COL26A1: variants seen among roughly 807,000 people sequenced by gnomAD.
COL26A1 encodes collagen type XXVI alpha 1 chain.
A neutral mutation model predicts 59.3 loss-of-function variants in COL26A1; 41 were observed. That is an observed-to-expected ratio of 0.69 (90% CI 0.54 to 0.90). The LOEUF (loss-of-function observed/expected upper bound fraction) is 0.90. Among genes scored for constraint, COL26A1 ranks in the 40% least tolerant of loss-of-function variants. The pLI is 0.00. For synonymous variants in COL26A1, 266 were observed against 256.0 expected, an observed-to-expected ratio of 1.04 and a Z score of -0.37; for missense variants, 612 against 602.3, an observed-to-expected ratio of 1.02 and a Z score of -0.17.
intron 3 of COL26A1, among the ~76,000 whole-genome samples, chr7:101,467,337 G>A (rs988228490): frequency 7.0e-6 from 1 of 143,366 alleles, no homozygotes; most frequent in Non-Finnish European, 1.6e-5. Flanking sequence ...TGGGTCTTCT[G>A]GTTTCATGGC....
At chr7:101,428,405 G>A (rs1792698826) in intron 2 of COL26A1, among the ~76,000 whole-genome samples, 1 of 151,470 alleles carries the variant, frequency 6.6e-6, no homozygotes, top group African/African-American at 2.4e-5. Flanking sequence ...TTGAGAATGG[G>A]CATTGCAACG....
intron 3 of COL26A1, among the ~76,000 whole-genome samples, chr7:101,530,356 G>A (rs528323329): frequency 6.6e-6 from 1 of 151,790 alleles, no homozygotes; most frequent in Non-Finnish European, 1.5e-5. Flanking sequence ...ATCCCTTGAG[G>A]TCAGAAGTTC....
chr7:101,429,765 A>T (rs1792737590), intron 2 of COL26A1, among the ~76,000 whole-genome samples: 2 of 151,412 alleles, frequency 1.3e-5, no homozygotes, highest in African/African-American at 4.9e-5. Flanking sequence ...GATAATTAAA[A>T]AGAATTTTTT....
chr7:101,411,609 C>A (rs1277889187), intron 1 of COL26A1, among the ~76,000 whole-genome samples: 1 of 152,048 alleles, frequency 6.6e-6, no homozygotes, highest in African/African-American at 2.4e-5. Context: ...GGCCTCCAAG[C>A]TGGAGGAGCA....
chr7:101,530,691 C>G (rs766607502), intron 3 of COL26A1, among the ~76,000 whole-genome samples: 1 of 151,612 alleles, frequency 6.6e-6, no homozygotes, highest in Non-Finnish European at 1.5e-5. Flanking sequence ...GGGATGTTCC[C>G]AAATGTCAGC....
intron 1 of COL26A1, among the ~76,000 whole-genome samples, chr7:101,368,498 G>A (rs2116999770): frequency 6.6e-6 from 1 of 152,336 alleles, no homozygotes; most frequent in East Asian, 1.9e-4. Flanking sequence ...CATAGGCAGT[G>A]TGCCCAGACT....
intron 3 of COL26A1, among the ~76,000 whole-genome samples, chr7:101,471,090 C>A (rs1793888242): frequency 1.3e-5 from 2 of 152,168 alleles, no homozygotes; most frequent in South Asian, 4.1e-4. Context: ...GCCTTTGGAG[C>A]TGAGGCTGGA....
intron 3 of COL26A1, among the ~76,000 whole-genome samples, chr7:101,482,426 A>G (rs34571822): frequency 0.52 from 79,427 of 152,100 alleles, 22,387 homozygotes; most frequent in African/African-American, 0.73. Flanking sequence ...AATTCCTCCC[A>G]AGAAGGAAGT....
chr7:101,432,678 T>C (rs987065244), intron 2 of COL26A1, among the ~76,000 whole-genome samples: 8 of 152,102 alleles, frequency 5.3e-5, no homozygotes, highest in African/African-American at 1.7e-4. Flanking sequence ...TAAGATGCCA[T>C]TGGTAGTAAA....
chr7:101,393,754 A>C (rs1791788365), intron 1 of COL26A1, among the ~76,000 whole-genome samples: 1 of 150,834 alleles, frequency 6.6e-6, no homozygotes, highest in South Asian at 2.1e-4. Flanking sequence ...GCCAATTTTT[A>C]ATTTATTTTA....
intron 2 of COL26A1, among the ~76,000 whole-genome samples, chr7:101,420,650 C>T (rs1474611495): frequency 2.0e-5 from 3 of 147,202 alleles, no homozygotes; most frequent in Non-Finnish European, 4.5e-5. Flanking sequence ...CCCCCACCAG[C>T]CTTGCCCCTC....
At chr7:101,522,677 AGTT>A (rs1795162152) in intron 3 of COL26A1, among the ~76,000 whole-genome samples, 1 of 152,054 alleles carries the variant, frequency 6.6e-6, no homozygotes. Flanking sequence ...CTGGGAATGG[AGTT>A]GTTGTGTCAT....
chr7:101,537,529 A>G (rs1047191365), intron 4 of COL26A1, among the ~76,000 whole-genome samples: 7 of 152,180 alleles, frequency 4.6e-5, no homozygotes, highest in Non-Finnish European at 7.4e-5. Context: ...CAGTTTCTCC[A>G]GGTCAGACAC....
intron 1 of COL26A1, among the ~76,000 whole-genome samples, chr7:101,413,078 A>G (rs1212971750): frequency 1.3e-5 from 2 of 152,180 alleles, no homozygotes. Context: ...ATTAACCGCC[A>G]ATTAAGGATT....
intron 3 of COL26A1, among the ~76,000 whole-genome samples, chr7:101,520,509 C>T (rs1172263441): frequency 1.3e-5 from 2 of 152,114 alleles, no homozygotes; most frequent in Non-Finnish European, 2.9e-5. Context: ...CATACTGAGA[C>T]TTCGTCTGTA....
intron 1 of COL26A1, among the ~76,000 whole-genome samples, chr7:101,367,280 G>A (rs1388653089): frequency 6.6e-6 from 1 of 152,184 alleles, no homozygotes; most frequent in Non-Finnish European, 1.5e-5. Context: ...CTCCAATGTG[G>A]TGGTATTTGG....
intron 1 of COL26A1, among the ~76,000 whole-genome samples, chr7:101,405,661 GCCGAC>G (rs1792112442): frequency 1.3e-5 from 2 of 152,094 alleles, no homozygotes; most frequent in South Asian, 4.1e-4. Context: ...CTCCCTAAGT[GCCGAC>G]CCTATAGAAA....
chr7:101,394,619 C>T (rs1320009656), intron 1 of COL26A1, among the ~76,000 whole-genome samples: 7 of 126,520 alleles, frequency 5.5e-5, no homozygotes, highest in East Asian at 2.3e-4. Context: ...GATGGGGTCT[C>T]GCTATGTTGC....
intron 3 of COL26A1, among the ~76,000 whole-genome samples, chr7:101,511,633 G>A (rs1034059727): frequency 6.6e-6 from 1 of 152,268 alleles, no homozygotes; most frequent in Non-Finnish European, 1.5e-5. Flanking sequence ...GATCTGGCCA[G>A]TGTGGCTGAT....
Sources: gnomAD v4.1 joint callset for allele counts (sites outside exome capture counted in the v4.1 genomes callset) on GRCh38, gnomAD v4.1.1 for gene constraint, MANE v1.5 for transcripts, NCBI Gene and HGNC (gene_info 2026-07-23, HGNC 2026-07-21) for gene names.